The following SLC10A6 variants were observed in gnomAD, a reference collection of about 807,000 sequenced individuals.
SLC10A6 encodes sodium-dependent organic anion transporter.
In SLC10A6, 27 loss-of-function variants were observed where a neutral mutation model predicts 30.0. The ratio of observed to expected loss-of-function variants is 0.90; its 90% CI spans 0.66 to 1.24. SLC10A6 has a LOEUF of 1.24. SLC10A6 is among the 50% of genes most tolerant of loss of function. The probability of loss-of-function intolerance (pLI) is 0.00; values close to 1 mark genes in which losing one functional copy is unlikely to be tolerated. For missense variants in SLC10A6, 439 were observed against 457.0 expected (o/e 0.96, Z 0.36); for synonymous variants, 166 against 173.8 (o/e 0.95, Z 0.36).
chr4:86,844,275 G>T (rs923111960), intron 1 of SLC10A6, among the ~76,000 whole-genome samples: 5 of 152,154 alleles, frequency 3.3e-5, no homozygotes, highest in African/African-American at 1.2e-4. Context: ...GTAAGTGATG[G>T]GTCTGCTTGC....
intron 1 of SLC10A6, among the ~76,000 whole-genome samples, chr4:86,835,843 G>A (rs1372168664): frequency 6.6e-6 from 1 of 152,160 alleles, no homozygotes; most frequent in Non-Finnish European, 1.5e-5. Flanking sequence ...AAGATTTCTA[G>A]GCTTCAAAAT....
At chr4:86,831,484 C>T (rs1423041564) in intron 3 of SLC10A6, among the ~76,000 whole-genome samples, 1 of 152,318 alleles carries the variant, frequency 6.6e-6, no homozygotes, top group Admixed American at 6.5e-5. Context: ...CTGTGTGAAG[C>T]CTTGTTTATG....
At chr4:86,831,905 A>AG in intron 2 of SLC10A6, 25 bp from the exon 3 acceptor site, 2 of 1,592,028 alleles carry the variant, frequency 1.3e-6, no homozygotes, top group African/African-American at 1.3e-5. Context: ...AATCCATGAG[A>AG]GGGTTTTCCC....
At chr4:86,848,662 G>C in intron 1 of SLC10A6, 77 bp downstream of exon 1, 1 of 1,465,418 alleles carries the variant, frequency 6.8e-7, no homozygotes, top group Non-Finnish European at 9.2e-7. Flanking sequence ...TTAGAAGAGT[G>C]TTTAACACAA....
intron 1 of SLC10A6, 138 bp downstream of exon 1, chr4:86,848,601 C>T (rs1215642664): frequency 1.7e-6 from 2 of 1,181,470 alleles, no homozygotes; most frequent in Non-Finnish European, 2.4e-6. Context: ...CATGGCTGAA[C>T]AAGTCTCTGT....
intron 3 of SLC10A6, among the ~76,000 whole-genome samples, chr4:86,831,405 A>G (rs994942979): frequency 1.3e-5 from 2 of 152,272 alleles, no homozygotes; most frequent in African/African-American, 2.4e-5. Flanking sequence ...CTTCCAAGAA[A>G]CCAGCCATAT....
intron 4 of SLC10A6, among the ~76,000 whole-genome samples, chr4:86,826,077 A>G (rs1210755296): frequency 1.6e-4 from 25 of 152,204 alleles, no homozygotes; most frequent in Admixed American, 1.6e-3. Flanking sequence ...GGAGACAAGA[A>G]TGGAAAGTTG....
At chr4:86,826,207 CCT>C (rs1167778531) in intron 4 of SLC10A6, among the ~76,000 whole-genome samples, 1 of 151,966 alleles carries the variant, frequency 6.6e-6, no homozygotes, top group East Asian at 1.9e-4. Flanking sequence ...AGAGTAAGAC[CCT>C]GTCTCTACAA....
chr4:86,830,900 A>G (rs1746068884), intron 3 of SLC10A6, among the ~76,000 whole-genome samples: 2 of 152,162 alleles, frequency 1.3e-5, no homozygotes, highest in Non-Finnish European at 1.5e-5. Flanking sequence ...GTGATACATA[A>G]TCAGAAAAAA....
In SLC10A6 at chr4:86,825,327, C is replaced by G. The variant is rs1316127455; in HGVS notation, c.919+93G>C. ...GCTTTCAAAAAGTGTATCACAGGGG[C>G]AGCACATGCAAGTTTGGATTGAAAA... is the stretch of plus-strand genomic sequence containing the variant. On this transcript the variant is annotated intron_variant, in intron 5 of 5. Coordinates refer to ENST00000273905, the MANE Select transcript of SLC10A6 (RefSeq NM_197965.3). The G allele has an allele frequency of 4.2e-6, 5 of 1,187,954 alleles. No individual in the cohort carries two copies. In the Admixed American group the frequency reaches 7.8e-5, roughly 19 times the overall value. 73.6% of individuals were successfully genotyped at this position (1,187,954 alleles called of 1,614,324 possible). A position where few individuals can be genotyped will look rare whatever the true frequency, so the allele number is the denominator to read the frequency against.
rs1560460513 is a variant in SLC10A6 at position 86,837,339 on chromosome 4, A to AGGC, written c.378-3916_378-3915insGCC. Among the ~76,000 whole-genome samples, 595 of 103,054 alleles carry AGGC rather than the reference A, an allele frequency of 5.8e-3. 55 individuals carry two copies. Among genetic ancestry groups the AGGC allele is most frequent in the African/African-American group, 0.029 (524 of 17,992 alleles). 67.6% of individuals were successfully genotyped at this position (103,054 alleles called of 152,430 possible). ...GAAGGAAGGAAGGAAGGAAGGAAGG[A>AGGC]AGGAAGGCAGGCAGGCAGGCTGGGA... is the stretch of plus-strand genomic sequence containing the variant. On this transcript the variant is annotated intron_variant, in intron 1 of 5. Transcript: ENST00000273905.
intron 1 of SLC10A6, among the ~76,000 whole-genome samples, chr4:86,842,012 T>C (rs1389470280): frequency 5.3e-5 from 8 of 152,226 alleles, no homozygotes; most frequent in Non-Finnish European, 1.0e-4. Context: ...TTATATACAT[T>C]TTCTCTTTTC....
chr4:86,831,351 C>T (rs994066664), intron 3 of SLC10A6, among the ~76,000 whole-genome samples: 10 of 152,166 alleles, frequency 6.6e-5, no homozygotes, highest in African/African-American at 9.7e-5. Context: ...CAGCTTTGGC[C>T]GTGACCCCAG....
intron 1 of SLC10A6, among the ~76,000 whole-genome samples, chr4:86,844,824 T>C (rs1403037890): frequency 1.3e-5 from 2 of 152,138 alleles, no homozygotes; most frequent in Non-Finnish European, 2.9e-5. Flanking sequence ...CTTACAAACA[T>C]GGCAGAAGGT....
chr4:86,831,709 C>T, intron 3 of SLC10A6, 83 bp downstream of exon 3: 1 of 1,135,566 alleles, frequency 8.8e-7, no homozygotes, highest in Non-Finnish European at 1.3e-6. Context: ...TCAACAAGCT[C>T]ACTTGTCCCA....
intron 1 of SLC10A6, among the ~76,000 whole-genome samples, chr4:86,845,545 T>G (rs1468627601): frequency 6.6e-6 from 1 of 152,208 alleles, no homozygotes; most frequent in African/African-American, 2.4e-5. Flanking sequence ...AGGTCAGGAT[T>G]TGAATATAGG....
chr4:86,828,263 A>C, intron 3 of SLC10A6, 95 bp from the exon 4 acceptor site: 1 of 1,340,592 alleles, frequency 7.5e-7, no homozygotes, highest in Non-Finnish European at 1.0e-6. Context: ...GGGATCTAGA[A>C]ATTTTAGAAC....
Position 86,833,273 on chromosome 4 carries a change from T to C in SLC10A6, c.496+33A>G, listed in dbSNP as rs1246392371. On this transcript the variant is annotated intron_variant, in intron 2 of 5. Transcript: ENST00000273905. ...CTATTATTAGTATCATCACCATTAC[T>C]GTTAGTCCTCCATTTCCCAGGCCCA... 4.8e-6 allele frequency: 7 copies of C among 1,471,042 alleles called. No homozygotes were observed. In the South Asian group the frequency reaches 8.1e-5, roughly 17 times the overall value. 91.1% of individuals were successfully genotyped at this position (1,471,042 alleles called of 1,614,324 possible). A position where few individuals can be genotyped will look rare whatever the true frequency, so the allele number is the denominator to read the frequency against.
intron 1 of SLC10A6, among the ~76,000 whole-genome samples, chr4:86,845,073 C>A (rs1746370127): frequency 6.6e-6 from 1 of 152,122 alleles, no homozygotes; most frequent in Admixed American, 6.5e-5. Flanking sequence ...CAAACCATAT[C>A]ACCACCCAAG....
Sources: gnomAD v4.1 joint callset for allele counts (sites outside exome capture counted in the v4.1 genomes callset) on GRCh38, gnomAD v4.1.1 for gene constraint, MANE v1.5 for transcripts, NCBI Gene and HGNC (gene_info 2026-07-23, HGNC 2026-07-21) for gene names.